SVOP: variants seen among roughly 807,000 people sequenced by gnomAD.
SVOP encodes SV2 related protein, also known as synaptic vesicle 2-related protein.
In SVOP, 17 loss-of-function variants were observed where a neutral mutation model predicts 69.1. The ratio of observed to expected loss-of-function variants is 0.25; its 90% CI spans 0.17 to 0.37. The LOEUF is 0.37. Ranked by LOEUF, SVOP falls within the 10% of genes least tolerant of loss-of-function variation. SVOP has a pLI of 1.00. For synonymous variants in SVOP, 238 were observed against 238.6 expected, an observed-to-expected ratio of 1.00 and a Z score of 0.02; for missense variants, 435 against 597.5, an observed-to-expected ratio of 0.73 and a Z score of 2.84.
intron 14 of SVOP, among the ~76,000 whole-genome samples, chr12:108,916,510 G>A (rs2039714634): frequency 6.6e-6 from 1 of 152,188 alleles, no homozygotes; most frequent in African/African-American, 2.4e-5. Flanking sequence ...GTTGTAGGAT[G>A]TTTGGCAGCA....
chr12:108,963,296 G>A (rs1312277712), intron 5 of SVOP, among the ~76,000 whole-genome samples: 1 of 152,110 alleles, frequency 6.6e-6, no homozygotes, highest in Non-Finnish European at 1.5e-5. Context: ...GATGAGTGAG[G>A]AAATTTGGAA....
Position 108,926,038 on chromosome 12 carries a change from C to T in SVOP, c.1049-3241G>A, listed in dbSNP as rs561929084. ...GGCTCAAGCAATTTTCCCACCTCAG[C>T]CTCCCAAATAGCTGGGACCACAGGC... On this transcript the variant is annotated intron_variant, in intron 11 of 15. Coordinates refer to ENST00000610966, the MANE Select transcript of SVOP (RefSeq NM_018711.5). Among the ~76,000 whole-genome samples, 42 of 152,120 alleles carry T rather than the reference C, an allele frequency of 2.8e-4. No homozygotes were observed. In the South Asian group the frequency reaches 8.3e-3, roughly 30 times the overall value.
chr12:108,912,556 C>G lies in SVOP; in HGVS notation c.1626G>C (p.Ser542=). 6.2e-7 allele frequency: 1 copy of G among 1,613,806 alleles called. No individual in the cohort carries two copies. Among genetic ancestry groups the G allele is most frequent in the South Asian group, 1.1e-5 (1 of 91,072 alleles). The part of the protein sequence containing the change: ...RGMHGAGVTR[S]NSGSQE ...GTCACTATTCCTGAGAGCCAGAGTT[C>G]GACCTGGTAACACCTGCACCGTGCA... The change falls in exon 16 of 16, where the codon TCG becomes TCC. Residue 542 remains serine (S), a synonymous_variant. Transcript: ENST00000610966.
chr12:109,018,077 T>G (rs1371229505), intron 1 of SVOP, among the ~76,000 whole-genome samples: 1 of 145,998 alleles, frequency 6.8e-6, no homozygotes. Flanking sequence ...TAGGATGGTA[T>G]CTAAGTAAAT....
chr12:108,960,528 G>T (rs1372929607), intron 6 of SVOP, among the ~76,000 whole-genome samples: 6 of 152,136 alleles, frequency 3.9e-5, no homozygotes, highest in African/African-American at 1.4e-4. Flanking sequence ...CATGGATATT[G>T]TAGTTACCCA....
intron 1 of SVOP, among the ~76,000 whole-genome samples, chr12:108,997,414 A>G (rs1302621005): frequency 6.6e-6 from 1 of 151,712 alleles, no homozygotes. Flanking sequence ...AGGCTTGCTT[A>G]GGTAAACAAA....
chr12:108,937,748 A>T (rs1057056607), intron 9 of SVOP, among the ~76,000 whole-genome samples: 2 of 152,200 alleles, frequency 1.3e-5, no homozygotes, highest in South Asian at 4.1e-4. Flanking sequence ...TGTGCTGAGA[A>T]ACTAATTCAC....
chr12:109,005,619 C>T (rs1294116798), intron 1 of SVOP, among the ~76,000 whole-genome samples: 2 of 152,112 alleles, frequency 1.3e-5, no homozygotes. Flanking sequence ...AACAGGGTGC[C>T]AAGTGGGGAC....
chr12:108,928,568 A>ATTTT (rs58720673), intron 11 of SVOP, among the ~76,000 whole-genome samples: 1 of 142,840 alleles, frequency 7.0e-6, no homozygotes, highest in African/African-American at 2.6e-5. Flanking sequence ...GGATTTTCTG[A>ATTTT]TTTTTTTTTT....
At chr12:108,950,218 A>G (rs2039946496) in intron 6 of SVOP, among the ~76,000 whole-genome samples, 1 of 149,920 alleles carries the variant, frequency 6.7e-6, no homozygotes. Flanking sequence ...ATGCACCAAC[A>G]TGCCCAGCTA....
chr12:109,015,248 G>A (rs2040361696), intron 1 of SVOP, among the ~76,000 whole-genome samples: 3 of 152,114 alleles, frequency 2.0e-5, no homozygotes, highest in Admixed American at 2.0e-4. Context: ...TGAATGGGTA[G>A]GATAGTGAAA....
intron 15 of SVOP, among the ~76,000 whole-genome samples, chr12:108,913,574 C>G (rs971657906): frequency 6.6e-6 from 1 of 152,182 alleles, no homozygotes; most frequent in Non-Finnish European, 1.5e-5. Flanking sequence ...TAACTCTTCT[C>G]TCCTCTGGAA....
chr12:108,952,354 C>A (rs1365189617), intron 6 of SVOP, among the ~76,000 whole-genome samples: 1 of 150,938 alleles, frequency 6.6e-6, no homozygotes, highest in East Asian at 2.0e-4. Flanking sequence ...CCTGCCTCAG[C>A]CTCCCAAGTA....
In SVOP at chr12:108,911,970, A is replaced by C. The variant is rs935158131; in HGVS notation, c.*565T>G. 1.9e-5 allele frequency: 3 copies of C among 161,776 alleles called. No individual in the cohort carries two copies. The highest frequency in any genetic ancestry group is 3.9e-5 in the Non-Finnish European group (3 of 76,566). The allele number at this position is 161,776 out of a possible 1,614,324, so 10.0% of individuals were successfully genotyped here. ...CATGTGGCTCCAGTTTGAATGCACC[A>C]TGTCCATCTGCCAGAGAATCCACTG... On this transcript the variant is annotated 3_prime_UTR_variant, in exon 16 of 16. Coordinates refer to ENST00000610966, the MANE Select transcript of SVOP (RefSeq NM_018711.5).
At chr12:108,983,545 G>T (rs970631511) in intron 2 of SVOP, 56 bp downstream of exon 2, 10 of 398,574 alleles carry the variant, frequency 2.5e-5, no homozygotes, top group African/African-American at 1.6e-4. Flanking sequence ...TTGCCTGCTG[G>T]GTAGGCAACC....
intron 11 of SVOP, among the ~76,000 whole-genome samples, chr12:108,924,836 C>T (rs951845848): frequency 1.3e-5 from 2 of 152,102 alleles, no homozygotes; most frequent in African/African-American, 4.8e-5. Flanking sequence ...CCAGAATCCA[C>T]CAGATGGAAA....
chr12:109,017,366 C>A (rs1033498772), intron 1 of SVOP, among the ~76,000 whole-genome samples: 8 of 151,668 alleles, frequency 5.3e-5, no homozygotes, highest in African/African-American at 7.3e-5. Flanking sequence ...TACCTAACCA[C>A]CCCCATCCAT....
intron 6 of SVOP, among the ~76,000 whole-genome samples, chr12:108,953,947 A>G (rs2039970812): frequency 1.3e-5 from 2 of 151,942 alleles, no homozygotes; most frequent in South Asian, 2.1e-4. Context: ...CCCCGTCTCT[A>G]TTAAAAATAC....
intron 13 of SVOP, among the ~76,000 whole-genome samples, chr12:108,918,492 C>G (rs1318480636): frequency 1.3e-5 from 2 of 152,156 alleles, no homozygotes; most frequent in South Asian, 2.1e-4. Flanking sequence ...ATTTAGTATT[C>G]TTAGGATAAT....
Sources: allele counts gnomAD v4.1 joint callset (sites outside exome capture counted in the v4.1 genomes callset), GRCh38; gene constraint gnomAD v4.1.1; transcripts MANE v1.5; gene names NCBI Gene and HGNC (gene_info 2026-07-23, HGNC 2026-07-21).